Variants in FRYL observed in about 807,000 individuals in gnomAD.
FRYL encodes the protein FRY like transcription coactivator.
A neutral mutation model predicts 351.2 loss-of-function variants in FRYL; 150 were observed. The ratio of observed to expected loss-of-function variants is 0.43; its 90% CI spans 0.37 to 0.49. The LOEUF (loss-of-function observed/expected upper bound fraction) is 0.49, where lower values mean the gene tolerates loss of function less well. Among genes scored for constraint, FRYL ranks in the 20% least tolerant of loss-of-function variants. FRYL has a pLI of 0.00. For missense variants in FRYL, 3,036 were observed against 3,619.3 expected (o/e 0.84, Z 4.13); for synonymous variants, 1,153 against 1,257.1 (o/e 0.92, Z 1.75).
At chr4:48,547,816 G>C (rs748235284) in intron 40 of FRYL, 47 bp from the exon 41 acceptor site, 3 of 1,215,292 alleles carry the variant, frequency 2.5e-6, no homozygotes, top group Non-Finnish European at 3.3e-6. Context: ...GAAATAATGA[G>C]TATTCTTACT....
chr4:48,739,400 C>CAA (rs1370572101), intron 1 of FRYL, among the ~76,000 whole-genome samples: 12 of 33,614 alleles, frequency 3.6e-4, no homozygotes, highest in East Asian at 9.1e-4. Context: ...GACTCCGTCT[C>CAA]AAAAAAAAAA....
At chr4:48,654,114 T>C (rs1389010774) in intron 3 of FRYL, among the ~76,000 whole-genome samples, 2 of 152,198 alleles carry the variant, frequency 1.3e-5, no homozygotes, top group Non-Finnish European at 2.9e-5. Flanking sequence ...TTTATGTTAC[T>C]GTTACCAGTT....
intron 1 of FRYL, among the ~76,000 whole-genome samples, chr4:48,770,717 G>A (rs1775427003): frequency 4.6e-5 from 7 of 152,154 alleles, no homozygotes. Context: ...AATTACAGGT[G>A]TGAGCCACCA....
At chr4:48,628,303 C>T (rs1482102618) in intron 4 of FRYL, among the ~76,000 whole-genome samples, 1 of 151,878 alleles carries the variant, frequency 6.6e-6, no homozygotes, top group Non-Finnish European at 1.5e-5. Flanking sequence ...ATGTAATATT[C>T]GACTGTTAGA....
chr4:48,542,770 C>T (rs1180476109), intron 44 of FRYL, among the ~76,000 whole-genome samples: 2 of 152,118 alleles, frequency 1.3e-5, no homozygotes, highest in African/African-American at 4.8e-5. Flanking sequence ...CCTCTACCTC[C>T]ATAACTTCCC....
chr4:48,685,072 T>G (rs540167021), intron 2 of FRYL, among the ~76,000 whole-genome samples: 1 of 152,294 alleles, frequency 6.6e-6, no homozygotes, highest in Admixed American at 6.5e-5. Context: ...ATTTATATCT[T>G]CATCCACTTT....
intron 1 of FRYL, among the ~76,000 whole-genome samples, chr4:48,773,920 G>A (rs80127697): frequency 0.019 from 2,957 of 152,288 alleles, 50 homozygotes; most frequent in Non-Finnish European, 0.03. Flanking sequence ...GTGAGACTCT[G>A]TATCAAATAA....
At chr4:48,523,244 T>G in intron 53 of FRYL, 140 bp from the exon 54 acceptor site, 1 of 607,466 alleles carries the variant, frequency 1.6e-6, no homozygotes, top group Non-Finnish European at 2.9e-6. Context: ...AGCCCTTCAA[T>G]TTCTTTAAAC....
chr4:48,665,258 C>T (rs1441718327), intron 3 of FRYL, among the ~76,000 whole-genome samples: 2 of 152,124 alleles, frequency 1.3e-5, no homozygotes, highest in South Asian at 2.1e-4. Flanking sequence ...ATTTAAAAAA[C>T]ATTCCTCTGC....
At chr4:48,595,853 A>G in intron 14 of FRYL, 44 bp downstream of exon 14, 1 of 1,345,014 alleles carries the variant, frequency 7.4e-7, no homozygotes. Flanking sequence ...TTTTTTTAAA[A>G]ACAAGAATTT....
chr4:48,519,507 T>TA (rs55946385), intron 55 of FRYL, among the ~76,000 whole-genome samples: 56,280 of 147,736 alleles, frequency 0.38, 11,582 homozygotes, highest in East Asian at 0.48. Context: ...TTTTTTTTTT[T>TA]AATTTTTTAT....
chr4:48,677,503 C>G (rs1177129365), intron 3 of FRYL, among the ~76,000 whole-genome samples: 1 of 151,828 alleles, frequency 6.6e-6, no homozygotes, highest in African/African-American at 2.4e-5. Context: ...CTCATCCTCC[C>G]GGGTTCAAGC....
intron 44 of FRYL, among the ~76,000 whole-genome samples, chr4:48,542,511 G>A (rs1168274717): frequency 6.6e-6 from 1 of 152,222 alleles, no homozygotes; most frequent in Admixed American, 6.5e-5. Context: ...CTGCCTCCCG[G>A]ATTCAAGTGA....
At chr4:48,653,647 C>A in intron 3 of FRYL, 3 of 1,061,548 alleles carry the variant, frequency 2.8e-6, no homozygotes, top group Middle Eastern at 2.4e-4. Flanking sequence ...GAAGAATCAG[C>A]ATGCAAGGAA....
intron 51 of FRYL, 35 bp downstream of exon 51, chr4:48,528,140 T>C: frequency 6.3e-7 from 1 of 1,599,524 alleles, no homozygotes; most frequent in Non-Finnish European, 8.5e-7. Flanking sequence ...ATTCTTCTGT[T>C]CTATGAATGT....
intron 3 of FRYL, chr4:48,653,680 G>A: frequency 1.6e-6 from 2 of 1,258,184 alleles, no homozygotes; most frequent in South Asian, 1.3e-5. Flanking sequence ...TAATACCTCA[G>A]CATTTTTTTT....
chr4:48,757,036 G>C (rs2109354130), intron 1 of FRYL, among the ~76,000 whole-genome samples: 1 of 152,332 alleles, frequency 6.6e-6, no homozygotes, highest in African/African-American at 2.4e-5. Flanking sequence ...AATAGGGAAA[G>C]CAGGCTCAAG....
chr4:48,694,331 TC>T (rs1376187005), intron 2 of FRYL, among the ~76,000 whole-genome samples: 1 of 152,040 alleles, frequency 6.6e-6, no homozygotes, highest in Non-Finnish European at 1.5e-5. Context: ...GCAGTCTTGC[TC>T]TGTTGCCCAG....
At chr4:48,677,618 C>A (rs1310527076) in intron 3 of FRYL, among the ~76,000 whole-genome samples, 2 of 152,108 alleles carry the variant, frequency 1.3e-5, no homozygotes, top group East Asian at 1.9e-4. Flanking sequence ...GCCATGTTGG[C>A]CAGACTGATC....
Sources: gnomAD v4.1 joint callset for allele counts (sites outside exome capture counted in the v4.1 genomes callset) on GRCh38, gnomAD v4.1.1 for gene constraint, MANE v1.5 for transcripts, NCBI Gene and HGNC (gene_info 2026-07-23, HGNC 2026-07-21) for gene names.